The following JAM3 variants were observed in gnomAD, a reference collection of about 807,000 sequenced individuals.
JAM3 encodes the protein junctional adhesion molecule 3, also known as junctional adhesion molecule C.
A neutral mutation model predicts 39.4 loss-of-function variants in JAM3; 31 were observed. The ratio of observed to expected loss-of-function variants is 0.79; its 90% CI spans 0.59 to 1.06. The LOEUF (loss-of-function observed/expected upper bound fraction) is 1.06. JAM3 is among the 50% of genes least tolerant of loss of function. The pLI is 0.00. For synonymous variants in JAM3, 182 were observed against 148.7 expected (o/e 1.22, Z -1.63); for missense variants, 455 against 391.4 (o/e 1.16, Z -1.37).
At chr11:134,095,846 G>A (rs1335695988) in intron 1 of JAM3, among the ~76,000 whole-genome samples, 1 of 152,158 alleles carries the variant, frequency 6.6e-6, no homozygotes, top group African/African-American at 2.4e-5. Context: ...CTTAAATGTT[G>A]TCATCTAAGA....
rs2120856301 is a variant in JAM3 at position 134,140,557 on chromosome 11, A to G, written c.143-100A>G. 3.2e-6 allele frequency: 3 copies of G among 950,656 alleles called. No individual in the cohort carries two copies. The Admixed American group carries it at 5.2e-5, about 16-fold the overall frequency. 58.9% of individuals were successfully genotyped at this position (950,656 alleles called of 1,614,324 possible). A position where few individuals can be genotyped will look rare whatever the true frequency, so the allele number is the denominator to read the frequency against. On this transcript the variant is annotated intron_variant, in intron 2 of 8. Transcript: ENST00000299106. ...GGAGTTGGCTACGTTTTTAATCTGCATGAAAGGCCTCTTGAATTAGAGCTT... is the reference window on the plus strand; with the variant it reads ...GGAGTTGGCTACGTTTTTAATCTGCGTGAAAGGCCTCTTGAATTAGAGCTT...
At chr11:134,107,780 T>C (rs1942224534) in intron 1 of JAM3, among the ~76,000 whole-genome samples, 1 of 151,998 alleles carries the variant, frequency 6.6e-6, no homozygotes, top group South Asian at 2.1e-4. Flanking sequence ...GGAGAATTGC[T>C]TGGTCCCAGG....
At chr11:134,088,393 ATT>A (rs35156043) in intron 1 of JAM3, among the ~76,000 whole-genome samples, 14 of 149,054 alleles carry the variant, frequency 9.4e-5, no homozygotes, top group African/African-American at 2.7e-4. Context: ...CTTGGGCAAC[ATT>A]TTTTTTTTTA....
chr11:134,109,719 A>C (rs1485815687), intron 1 of JAM3, among the ~76,000 whole-genome samples: 2 of 152,216 alleles, frequency 1.3e-5, no homozygotes, highest in Non-Finnish European at 2.9e-5. Flanking sequence ...AAAGAGGGAG[A>C]ATGTGGTAAT....
At chr11:134,097,994 G>C (rs1024831977) in intron 1 of JAM3, among the ~76,000 whole-genome samples, 1 of 152,068 alleles carries the variant, frequency 6.6e-6, no homozygotes, top group African/African-American at 2.4e-5. Flanking sequence ...ATCATTTTCA[G>C]TCAGTGAAAA....
At chr11:134,124,322 G>T in intron 1 of JAM3, 1 of 776,702 alleles carries the variant, frequency 1.3e-6, no homozygotes, top group South Asian at 1.4e-5. Context: ...GGGCTGGACG[G>T]TTCATTATGG....
intron 1 of JAM3, among the ~76,000 whole-genome samples, chr11:134,133,437 A>G (rs931980147): frequency 1.3e-5 from 2 of 152,190 alleles, no homozygotes; most frequent in Non-Finnish European, 2.9e-5. Flanking sequence ...GGTTTTTCAT[A>G]TATGACCTTT....
At chr11:134,077,790 G>GCA (rs1941597288) in intron 1 of JAM3, among the ~76,000 whole-genome samples, 2 of 151,200 alleles carry the variant, frequency 1.3e-5, no homozygotes, top group East Asian at 2.0e-4. Flanking sequence ...GGGATTACAG[G>GCA]TGCCCGCCAC....
intron 1 of JAM3, among the ~76,000 whole-genome samples, chr11:134,138,113 C>T (rs1249711507): frequency 6.1e-5 from 8 of 130,968 alleles, no homozygotes; most frequent in Non-Finnish European, 1.1e-4. Flanking sequence ...TCGTCTAAGT[C>T]ATGGTGCTCC....
chr11:134,139,200 AGGGATTGCCAT>A (rs1942928101), intron 1 of JAM3, among the ~76,000 whole-genome samples: 3 of 152,250 alleles, frequency 2.0e-5, no homozygotes, highest in Admixed American at 2.0e-4. Flanking sequence ...TAGTTTTGAA[AGGGATTGCCAT>A]GCAATTAGTT....
chr11:134,123,918 G>T, intron 1 of JAM3: 4 of 1,171,740 alleles, frequency 3.4e-6, no homozygotes, highest in Non-Finnish European at 5.1e-6. Flanking sequence ...GGAATTGAAG[G>T]CCCCCCTTCT....
At chr11:134,135,301 C>T (rs1473785470) in intron 1 of JAM3, among the ~76,000 whole-genome samples, 2 of 152,118 alleles carry the variant, frequency 1.3e-5, no homozygotes, top group African/African-American at 2.4e-5. Flanking sequence ...ATGTTGGCAT[C>T]CTTGTGGAAA....
intron 1 of JAM3, 160 bp from the exon 2 acceptor site, chr11:134,139,691 G>T: frequency 3.0e-6 from 2 of 665,264 alleles, no homozygotes; most frequent in Admixed American, 4.2e-5. Context: ...AGAGAAAGCA[G>T]TTAACTTGGC....
chr11:134,085,533 TAAC>T (rs1003890503), intron 1 of JAM3, among the ~76,000 whole-genome samples: 1 of 152,252 alleles, frequency 6.6e-6, no homozygotes, highest in Non-Finnish European at 1.5e-5. Context: ...TTCTCATTCT[TAAC>T]AAACATTCTT....
intron 2 of JAM3, among the ~76,000 whole-genome samples, chr11:134,140,233 A>G (rs537164131): frequency 6.6e-6 from 1 of 152,262 alleles, no homozygotes; most frequent in East Asian, 1.9e-4. Context: ...GGCTCACTGC[A>G]GCCTCTGCCT....
At chr11:134,120,739 C>G (rs1942515935) in intron 1 of JAM3, among the ~76,000 whole-genome samples, 1 of 152,198 alleles carries the variant, frequency 6.6e-6, no homozygotes, top group Non-Finnish European at 1.5e-5. Flanking sequence ...GACCCTCACT[C>G]TGCTTCAGGA....
At chr11:134,085,586 C>T (rs1941734945) in intron 1 of JAM3, among the ~76,000 whole-genome samples, 1 of 151,966 alleles carries the variant, frequency 6.6e-6, no homozygotes, top group Non-Finnish European at 1.5e-5. Context: ...GTTTGTTTTC[C>T]TACTGGGGGC....
intron 1 of JAM3, among the ~76,000 whole-genome samples, chr11:134,069,572 C>T (rs1336262018): frequency 6.6e-6 from 1 of 150,636 alleles, no homozygotes; most frequent in Admixed American, 6.6e-5. Flanking sequence ...GGGTGGGCTC[C>T]TCCCAGGCGG....
At position 134,078,911 on chromosome 11, in the gene JAM3, C is replaced by T. The variant is rs531360929; in HGVS notation, c.76+9752C>T. ...AAAATTAGCCTGGTATGGTGACATG[C>T]GCCTGTAATCCCAGCTGCTTGGGAG... On this transcript the variant is annotated intron_variant, in intron 1 of 8. Transcript: ENST00000299106. Among the ~76,000 whole-genome samples the T allele has an allele frequency of 5.3e-5, 8 of 152,208 alleles. No homozygotes were observed. In the South Asian group the frequency reaches 8.3e-4, roughly 16 times the overall value.
Sources: gnomAD v4.1 joint callset for allele counts (sites outside exome capture counted in the v4.1 genomes callset) on GRCh38, gnomAD v4.1.1 for gene constraint, MANE v1.5 for transcripts, NCBI Gene and HGNC (gene_info 2026-07-23, HGNC 2026-07-21) for gene names.